The following HSD17B12 variants were observed in gnomAD, a reference collection of about 807,000 sequenced individuals.
HSD17B12 encodes hydroxysteroid 17-beta dehydrogenase 12.
In HSD17B12, 32 loss-of-function variants were observed where a neutral mutation model predicts 39.3. The observed-to-expected ratio is 0.81, with a 90% confidence interval of 0.61 to 1.09. The LOEUF (loss-of-function observed/expected upper bound fraction) is 1.09. HSD17B12 is among the 50% of genes least tolerant of loss of function. The probability of loss-of-function intolerance (pLI) is 0.00; values close to 1 mark genes in which losing one functional copy is unlikely to be tolerated. For missense variants in HSD17B12, 342 were observed against 382.9 expected, an observed-to-expected ratio of 0.89 and a Z score of 0.89; for synonymous variants, 150 against 146.7, an observed-to-expected ratio of 1.02 and a Z score of -0.16.
At chr11:43,741,601 C>G in intron 1 of HSD17B12, among the ~76,000 whole-genome samples, 1 of 151,844 alleles carries the variant, frequency 6.6e-6, no homozygotes, top group Admixed American at 6.6e-5. Context: ...TTTGGTTTAC[C>G]TTTCTAAAAT....
chr11:43,559,665 T>G, the HSD17B12 span: 1 of 155,960 alleles, frequency 6.4e-6, no homozygotes, highest in Non-Finnish European at 1.5e-5. Flanking sequence ...AGTTTAGGGG[T>G]GGACCTGATG....
At chr11:43,620,503 A>G in the HSD17B12 span, among the ~76,000 whole-genome samples, 1 of 152,226 alleles carries the variant, frequency 6.6e-6, no homozygotes, top group Non-Finnish European at 1.5e-5. Flanking sequence ...AGTCATATAC[A>G]TGTATAAGGT....
At chr11:43,640,237 C>G in the HSD17B12 span, among the ~76,000 whole-genome samples, 1 of 151,902 alleles carries the variant, frequency 6.6e-6, no homozygotes, top group Non-Finnish European at 1.5e-5. Flanking sequence ...CTCATTCCCC[C>G]CCTCTAAAGT....
chr11:43,708,904 C>T (rs1170416211), intron 1 of HSD17B12, among the ~76,000 whole-genome samples: 2 of 152,188 alleles, frequency 1.3e-5, no homozygotes, highest in East Asian at 3.8e-4. Context: ...TCTTCTCGCC[C>T]GTGCTTTTTC....
intron 1 of HSD17B12, chr11:43,733,612 C>T: frequency 2.6e-6 from 1 of 383,694 alleles, no homozygotes; most frequent in African/African-American, 2.1e-5. Context: ...AATGATACAC[C>T]AAGAAAAATA....
At chr11:43,647,442 A>AT in the HSD17B12 span, among the ~76,000 whole-genome samples, 11,348 of 123,210 alleles carry the variant, frequency 0.092, 1,124 homozygotes, top group African/African-American at 0.23. Flanking sequence ...CACCTTGCTA[A>AT]TTTTTTTTTT....
At chr11:43,617,893 T>G in the HSD17B12 span, among the ~76,000 whole-genome samples, 2 of 152,206 alleles carry the variant, frequency 1.3e-5, no homozygotes, top group African/African-American at 4.8e-5. Context: ...TCCCTAAGTA[T>G]CTTTTTACGT....
chr11:43,654,953 T>C, the HSD17B12 span, among the ~76,000 whole-genome samples: 1 of 152,164 alleles, frequency 6.6e-6, no homozygotes, highest in Non-Finnish European at 1.5e-5. Context: ...AAGTCATTGG[T>C]ATTTTGATGG....
intron 1 of HSD17B12, among the ~76,000 whole-genome samples, chr11:43,711,399 G>A (rs1950064146): frequency 6.6e-6 from 1 of 151,004 alleles, no homozygotes. Flanking sequence ...TTAGAGTAAT[G>A]TATGCTTCTT....
rs541334060 is a variant in HSD17B12 at position 43,855,544 on chromosome 11, A to G, written c.*296A>G. The G allele has an allele frequency of 4.1e-5, 7 of 169,544 alleles. No individual in the cohort carries two copies. The South Asian group carries it at 1.0e-3, about 24-fold the overall frequency. 10.5% of individuals were successfully genotyped at this position (169,544 alleles called of 1,614,324 possible). ...GAATACTATTATAGCAAATCACAGA[A>G]TGATAGACTCAAGCATAAAACTTGG... On this transcript the variant is annotated 3_prime_UTR_variant, in exon 11 of 11. Coordinates refer to ENST00000278353, the MANE Select transcript of HSD17B12 (RefSeq NM_016142.3).
the HSD17B12 span, among the ~76,000 whole-genome samples, chr11:43,627,217 G>A: frequency 7.1e-6 from 1 of 140,302 alleles, no homozygotes; most frequent in Admixed American, 7.7e-5. Flanking sequence ...CCATCTAAAT[G>A]TTCAAGTATT....
At chr11:43,823,080 T>A (rs1951198722) in intron 6 of HSD17B12, among the ~76,000 whole-genome samples, 1 of 152,078 alleles carries the variant, frequency 6.6e-6, no homozygotes, top group Non-Finnish European at 1.5e-5. Context: ...GTATAAGACT[T>A]AAAGCAGGGG....
At chr11:43,622,660 T>C in the HSD17B12 span, among the ~76,000 whole-genome samples, 1 of 152,100 alleles carries the variant, frequency 6.6e-6, no homozygotes, top group Non-Finnish European at 1.5e-5. Context: ...TTCTGCTCTT[T>C]AAGAATTTGC....
At chr11:43,649,375 A>G in the HSD17B12 span, among the ~76,000 whole-genome samples, 11 of 152,102 alleles carry the variant, frequency 7.2e-5, no homozygotes, top group African/African-American at 2.7e-4. Flanking sequence ...ATCCTAACAG[A>G]TTTTTAAAAG....
At chr11:43,702,083 G>A (rs554001576) in intron 1 of HSD17B12, among the ~76,000 whole-genome samples, 1 of 151,982 alleles carries the variant, frequency 6.6e-6, no homozygotes. Context: ...TTCATGGGTA[G>A]CTATTATAAA....
chr11:43,745,514 TTTG>T (rs1379914012), intron 1 of HSD17B12, among the ~76,000 whole-genome samples: 3 of 152,250 alleles, frequency 2.0e-5, no homozygotes, highest in East Asian at 3.9e-4. Context: ...AGACAACACA[TTTG>T]TTGTTGTACA....
At chr11:43,742,051 C>A (rs1199215987) in intron 1 of HSD17B12, among the ~76,000 whole-genome samples, 1 of 148,374 alleles carries the variant, frequency 6.7e-6, no homozygotes, top group Non-Finnish European at 1.5e-5. Flanking sequence ...GATTTTCTAT[C>A]CAACTACAGC....
At chr11:43,619,244 A>AT in the HSD17B12 span, among the ~76,000 whole-genome samples, 105 of 45,360 alleles carry the variant, frequency 2.3e-3, 1 homozygote, top group African/African-American at 0.01. Flanking sequence ...TATATATATA[A>AT]AATATATATA....
At chr11:43,808,918 T>C (rs988410951) in intron 4 of HSD17B12, among the ~76,000 whole-genome samples, 1 of 152,254 alleles carries the variant, frequency 6.6e-6, no homozygotes, top group African/African-American at 2.4e-5. Flanking sequence ...AAGGCAAAGA[T>C]GGAATTTACT....
Sources: allele counts gnomAD v4.1 joint callset (sites outside exome capture counted in the v4.1 genomes callset), GRCh38; gene constraint gnomAD v4.1.1; transcripts MANE v1.5; gene names NCBI Gene and HGNC (gene_info 2026-07-23, HGNC 2026-07-21).